The following RPH3AL variants were observed in gnomAD, a reference collection of about 807,000 sequenced individuals.
The protein encoded by RPH3AL is rab effector Noc2.
Under a neutral mutation model 43.1 loss-of-function variants are expected in RPH3AL, and 38 were observed. That is an observed-to-expected ratio of 0.88 (90% confidence interval 0.68 to 1.15). The LOEUF (loss-of-function observed/expected upper bound fraction) is 1.15. RPH3AL is among the 50% of genes most tolerant of loss of function. RPH3AL has a pLI of 0.00. For missense variants in RPH3AL, 462 were observed against 423.2 expected (o/e 1.09, Z -0.81); for synonymous variants, 189 against 176.3 (o/e 1.07, Z -0.57).
chr17:289,753 C>G lies in RPH3AL; in HGVS notation c.352-7899G>C, dbSNP rs1347225594. On this transcript the variant is annotated intron_variant, in intron 5 of 9. Coordinates refer to ENST00000331302, the MANE Select transcript of RPH3AL (RefSeq NM_006987.4). The surrounding 1 kb of genome is among the most constrained non-coding windows in gnomAD (Gnocchi z 5.2). ...AGCCCCTGGTCCTTCTGCCACAGGACCTTTGCACGTGTTGCCCCCTCTGTG... is the reference window on the plus strand; with the variant it reads ...AGCCCCTGGTCCTTCTGCCACAGGAGCTTTGCACGTGTTGCCCCCTCTGTG... Among the ~76,000 whole-genome samples, 2 of 152,214 alleles carry G rather than the reference C, an allele frequency of 1.3e-5. No homozygotes were observed. The highest frequency in any genetic ancestry group is 4.1e-4 in the South Asian group (2 of 4,832).
chr17:233,523 G>A (rs2041280005), intron 7 of RPH3AL, among the ~76,000 whole-genome samples: 1 of 152,170 alleles, frequency 6.6e-6, no homozygotes, highest in African/African-American at 2.4e-5. Context: ...GCAGGGTCAA[G>A]GGGTCAGGGT....
chr17:274,222 G>T lies in RPH3AL; in HGVS notation c.438+7546C>A, dbSNP rs1056283665. Among the ~76,000 whole-genome samples, 1 of 152,236 alleles carries T rather than the reference G, an allele frequency of 6.6e-6. No homozygotes were observed. Among genetic ancestry groups the T allele is most frequent in the Non-Finnish European group, 1.5e-5 (1 of 68,034 alleles). ...CATGAAAGCACGTGGAAAAGGCACC[G>T]CGAAACCCCAGCCCGGGGCCTCTGA... On this transcript the variant is annotated intron_variant, in intron 6 of 9. Coordinates refer to ENST00000331302, the MANE Select transcript of RPH3AL (RefSeq NM_006987.4). This position sits in a 1 kb window ranked among gnomAD's most constrained non-coding sequence, Gnocchi z 4.7.
At position 219,775 on chromosome 17, in the gene RPH3AL, C is replaced by G. The variant is rs377186717; in HGVS notation, c.614-39G>C. On this transcript the variant is annotated intron_variant, in intron 7 of 9. Transcript: ENST00000331302. ...ACCACAGCACAGGAGGTCACCCGAC[C>G]AGCCCCTACCTGCAGGCATGGACGG... 5.4e-6 allele frequency: 8 copies of G among 1,470,974 alleles called. No individual in the cohort carries two copies. The East Asian group carries it at 1.8e-4, about 33-fold the overall frequency. The allele number at this position is 1,470,974 out of a possible 1,614,324, so 91.1% of individuals were successfully genotyped here.
At chr17:277,531 C>T (rs1215955618) in intron 6 of RPH3AL, among the ~76,000 whole-genome samples, 2 of 152,210 alleles carry the variant, frequency 1.3e-5, no homozygotes, top group Non-Finnish European at 2.9e-5. Context: ...TACTATGCTA[C>T]TGGCTTTGAG....
At chr17:219,759 CAGG>C in intron 7 of RPH3AL, 23 bp from the exon 8 acceptor site, 2 of 1,582,696 alleles carry the variant, frequency 1.3e-6, no homozygotes, top group Non-Finnish European at 1.7e-6. Context: ...GACCACAGCA[CAGG>C]AGGTCACCCG....
chr17:327,372 C>T, intron 3 of RPH3AL, 95 bp downstream of exon 3: 1 of 1,154,432 alleles, frequency 8.7e-7, no homozygotes, highest in Non-Finnish European at 1.3e-6. Flanking sequence ...CCAAACATCT[C>T]TTTCTGGGCC....
At chr17:273,978 G>A (rs1408868668) in intron 6 of RPH3AL, among the ~76,000 whole-genome samples, 9 of 152,212 alleles carry the variant, frequency 5.9e-5, no homozygotes, top group Non-Finnish European at 7.3e-5. Flanking sequence ...GCCCAGGTAC[G>A]TTTGAGACGC....
chr17:320,738 C>G (rs75873111), intron 4 of RPH3AL, among the ~76,000 whole-genome samples: 11 of 152,330 alleles, frequency 7.2e-5, no homozygotes, highest in African/African-American at 2.6e-4. Context: ...CCTACTTGTG[C>G]TTTTCTGTGT....
chr17:308,657 A>G (rs2043561229), intron 5 of RPH3AL, among the ~76,000 whole-genome samples: 1 of 152,230 alleles, frequency 6.6e-6, no homozygotes, highest in Non-Finnish European at 1.5e-5. Flanking sequence ...ATCATGGATG[A>G]ACCTTGAAAG....
rs1473397559 is a variant in RPH3AL, at chr17:274,314, C to A, written c.438+7454G>T. 6.6e-6 allele frequency among the ~76,000 whole-genome samples: 1 copy of A among 152,190 alleles called. No individual in the cohort carries two copies. Among genetic ancestry groups the A allele is most frequent in the Non-Finnish European group, 1.5e-5 (1 of 68,026 alleles). ...GGGAGACGGGAGGCGTGCCATGGAC[C>A]ACCTGGGCCTCGCCTGCCCACCTGG... On this transcript the variant is annotated intron_variant, in intron 6 of 9. Coordinates refer to ENST00000331302, the MANE Select transcript of RPH3AL (RefSeq NM_006987.4). The surrounding 1 kb of genome is among the most constrained non-coding windows in gnomAD (Gnocchi z 4.7).
chr17:217,012 C>T lies in RPH3AL; in HGVS notation c.728-1210G>A, dbSNP rs536359652. On this transcript the variant is annotated intron_variant, in intron 8 of 9. Coordinates refer to ENST00000331302, the MANE Select transcript of RPH3AL (RefSeq NM_006987.4). ...CAGTTATTACAGAGCCCTTCTTCTG[C>T]CCTAAAATTGGCCTCGCTGAAATCA... Among the ~76,000 whole-genome samples the T allele has an allele frequency of 2.8e-3, 425 of 151,070 alleles. 6 individuals are homozygous for T. Among genetic ancestry groups the T allele is most frequent in the African/African-American group, 9.9e-3 (406 of 41,012 alleles).
chr17:214,988 G>T (rs947542285), intron 9 of RPH3AL, among the ~76,000 whole-genome samples: 1 of 152,164 alleles, frequency 6.6e-6, no homozygotes, highest in African/African-American at 2.4e-5. Flanking sequence ...ATCGAGTGGG[G>T]AAGGAGAGAG....
At chr17:243,701 A>ACCTTCCTCTATTGATTAC (rs1555538264) in intron 7 of RPH3AL, among the ~76,000 whole-genome samples, 2 of 127,094 alleles carry the variant, frequency 1.6e-5, no homozygotes, top group African/African-American at 3.5e-5. Context: ...TCTATTGACT[A>ACCTTCCTCTATTGATTAC]CCTTCCTCTA....
Position 345,169 on chromosome 17 carries a change from C to A in RPH3AL, c.-213+7543G>T. On this transcript the variant is annotated intron_variant, in intron 1 of 9. Coordinates refer to ENST00000331302, the MANE Select transcript of RPH3AL (RefSeq NM_006987.4). ...TGACACACACCTGTAATCCCAGCTA[C>A]TTGGGAGGCTGAGGTAGGAGGGTCA... Among the ~76,000 whole-genome samples the A allele has an allele frequency of 1.5e-5, 2 of 135,504 alleles. 1 individual carries two copies. Among genetic ancestry groups the A allele is most frequent in the Non-Finnish European group, 3.4e-5 (2 of 59,316 alleles). The allele number at this position is 135,504 out of a possible 152,430, so 88.9% of individuals were successfully genotyped here. A position where few individuals can be genotyped will look rare whatever the true frequency, so the allele number is the denominator to read the frequency against.
intron 5 of RPH3AL, among the ~76,000 whole-genome samples, chr17:311,842 G>A (rs1477708085): frequency 6.6e-6 from 1 of 152,150 alleles, no homozygotes; most frequent in African/African-American, 2.4e-5. Flanking sequence ...GAATTCCAAC[G>A]AGGAGAATGT....
chr17:314,724 T>G (rs1178880973), intron 5 of RPH3AL, among the ~76,000 whole-genome samples: 111 of 151,188 alleles, frequency 7.3e-4, no homozygotes, highest in South Asian at 1.7e-3. Flanking sequence ...CCACCTCCAC[T>G]GACCTGTAGT....
intron 3 of RPH3AL, among the ~76,000 whole-genome samples, chr17:324,123 G>T (rs990773677): frequency 6.6e-6 from 1 of 152,208 alleles, no homozygotes; most frequent in Non-Finnish European, 1.5e-5. Context: ...ACGAGGTGCG[G>T]AACGTAGCTA....
At chr17:311,153 C>T (rs1485751651) in intron 5 of RPH3AL, among the ~76,000 whole-genome samples, 3 of 152,228 alleles carry the variant, frequency 2.0e-5, no homozygotes, top group South Asian at 2.1e-4. Flanking sequence ...TACAGCTCAG[C>T]GTCCCAAAGA....
rs74211836 is a variant in RPH3AL, at chr17:242,334, C to A, written c.613+4777G>T. Among the ~76,000 whole-genome samples the A allele has an allele frequency of 5.3e-5, 4 of 75,852 alleles. No homozygotes were observed. The East Asian group carries it at 1.8e-3, about 35-fold the overall frequency. The allele number at this position is 75,852 out of a possible 152,430, so 49.8% of individuals were successfully genotyped here. On this transcript the variant is annotated intron_variant, in intron 7 of 9. Coordinates refer to ENST00000331302, the MANE Select transcript of RPH3AL (RefSeq NM_006987.4). ...TCTATTGACTACCTTCCTCTATTGA[C>A]TACCTTCCTCTATTGACTACCTTCC...
Sources: allele counts gnomAD v4.1 joint callset (sites outside exome capture counted in the v4.1 genomes callset), GRCh38; gene constraint gnomAD v4.1.1; non-coding constraint Gnocchi (gnomAD v3.1); transcripts MANE v1.5; gene names NCBI Gene and HGNC (gene_info 2026-07-23, HGNC 2026-07-21).